PARVB: variants seen among roughly 807,000 people sequenced by gnomAD.
PARVB encodes beta-parvin.
A neutral mutation model predicts 47.0 loss-of-function variants in PARVB; 46 were observed. The observed-to-expected ratio is 0.98, with a 90% CI of 0.77 to 1.25. PARVB has a LOEUF of 1.25. Among genes scored for constraint, PARVB ranks in the 50% most tolerant of loss-of-function variants. The probability of loss-of-function intolerance (pLI) is 0.00; values close to 1 mark genes in which losing one functional copy is unlikely to be tolerated. For missense variants in PARVB, 473 were observed against 471.6 expected, an observed-to-expected ratio of 1.00 and a Z score of -0.03; for synonymous variants, 196 against 196.3, an observed-to-expected ratio of 1.00 and a Z score of 0.01.
intron 1 of PARVB, among the ~76,000 whole-genome samples, chr22:44,027,830 G>A (rs569148582): frequency 2.0e-5 from 3 of 151,434 alleles, no homozygotes; most frequent in African/African-American, 7.3e-5. Flanking sequence ...CCTGGGAGGT[G>A]GAGGTTGCAG....
At chr22:44,141,475 TC>T (rs2053551507) in intron 8 of PARVB, 1 of 152,238 alleles carries the variant, frequency 6.6e-6, no homozygotes, top group African/African-American at 2.4e-5. Flanking sequence ...CTTTTCATGT[TC>T]TTCTGCCTGC....
intron 3 of PARVB, among the ~76,000 whole-genome samples, chr22:44,118,419 T>C (rs1465530212): frequency 2.6e-5 from 4 of 152,160 alleles, no homozygotes; most frequent in Non-Finnish European, 5.9e-5. Context: ...GGAGTGAGAA[T>C]TCTATCTCAA....
In PARVB at chr22:44,103,827, T is replaced by C. The variant is rs2052507576; in HGVS notation, c.273+3704T>C. On this transcript the variant is annotated intron_variant, in intron 3 of 12. Coordinates refer to ENST00000338758, the MANE Select transcript of PARVB (RefSeq NM_013327.5). The surrounding 1 kb of genome is among the most constrained non-coding windows in gnomAD (Gnocchi z 4.6). Reference sequence around the variant, plus strand: ...TGCAGGCGGCCTCTGCCTCTAGAAGTGGAAAAGACAAAGAAATGGATTCTC... The same window carrying C: ...TGCAGGCGGCCTCTGCCTCTAGAAGCGGAAAAGACAAAGAAATGGATTCTC... The C allele has an allele frequency of 6.6e-6, 1 of 151,840 alleles. No homozygotes were observed. Among genetic ancestry groups the C allele is most frequent in the Admixed American group, 6.6e-5 (1 of 15,252 alleles). The allele number at this position is 151,840 out of a possible 1,614,324, so 9.4% of individuals were successfully genotyped here.
At chr22:44,058,814 C>G (rs1396458394) in intron 1 of PARVB, among the ~76,000 whole-genome samples, 7 of 151,854 alleles carry the variant, frequency 4.6e-5, no homozygotes, top group African/African-American at 1.7e-4. Context: ...CTCAGCCTCC[C>G]AAAGTGCTGG....
chr22:44,165,675 T>TG (rs947136634), intron 12 of PARVB, among the ~76,000 whole-genome samples: 7 of 152,106 alleles, frequency 4.6e-5, no homozygotes, highest in African/African-American at 1.4e-4. Flanking sequence ...GGTCGCTGGA[T>TG]GGGGGGCGGA....
chr22:44,069,631 T>C (rs2051609896), intron 1 of PARVB, among the ~76,000 whole-genome samples: 1 of 152,046 alleles, frequency 6.6e-6, no homozygotes, highest in South Asian at 2.1e-4. Context: ...CAGGTTCAAG[T>C]GATCCTCCTG....
At chr22:44,013,853 G>A (rs746442668) in intron 2 of PARVB, among the ~76,000 whole-genome samples, 2 of 151,992 alleles carry the variant, frequency 1.3e-5, no homozygotes, top group African/African-American at 4.8e-5. Context: ...GGCTGCTCTC[G>A]AACTCCTGAC....
At chr22:44,154,258 C>A (rs1165689441) in intron 10 of PARVB, among the ~76,000 whole-genome samples, 3 of 152,168 alleles carry the variant, frequency 2.0e-5, no homozygotes, top group Non-Finnish European at 2.9e-5. Flanking sequence ...TACATTTAAC[C>A]ACTGGTCCCC....
rs1041649246 is a variant in PARVB at position 44,155,465 on chromosome 22, T to C, written c.844-2517T>C. Among the ~76,000 whole-genome samples the C allele has an allele frequency of 2.6e-5, 4 of 152,302 alleles. No individual in the cohort carries two copies. The highest frequency in any genetic ancestry group is 9.6e-5 in the African/African-American group (4 of 41,576). On this transcript the variant is annotated intron_variant, in intron 10 of 12. Coordinates refer to ENST00000338758, the MANE Select transcript of PARVB (RefSeq NM_013327.5). This position sits in a 1 kb window ranked among gnomAD's most constrained non-coding sequence, Gnocchi z 4.8. ...TCTCCTTGTGGCCGTCCCTCCCTCCTTCCTGTGAGCCCGTGTGCTGGGACA... is the reference window on the plus strand; with the variant it reads ...TCTCCTTGTGGCCGTCCCTCCCTCCCTCCTGTGAGCCCGTGTGCTGGGACA...
At chr22:44,156,950 G>T (rs1390048017) in intron 10 of PARVB, among the ~76,000 whole-genome samples, 1 of 152,216 alleles carries the variant, frequency 6.6e-6, no homozygotes, top group Non-Finnish European at 1.5e-5. Flanking sequence ...GGGTGGTGGT[G>T]AGGGTGACCC....
chr22:44,132,910 C>A lies in PARVB; in HGVS notation c.534C>A (p.Asn178Lys). ...CTCCTGCAGCAATTCACGGGAAGAA[C>A]CTGGTGGCCATCCTCCACCTGCTGG... ...RWSVDSIHGK[N>K]LVAILHLLVS... Residue 178 changes from asparagine to lysine, a missense_variant, in exon 6 of 13, where the codon AAC becomes AAA. By Grantham distance (94) the Asn-to-Lys change is moderately conservative. Transcript: ENST00000338758. 3 of 1,613,500 alleles carry A rather than the reference C, an allele frequency of 1.9e-6. No individual in the cohort carries two copies. Among genetic ancestry groups the A allele is most frequent in the Non-Finnish European group, 2.5e-6 (3 of 1,179,438 alleles).
chr22:44,036,117 C>T (rs912761095), intron 1 of PARVB, among the ~76,000 whole-genome samples: 6 of 151,988 alleles, frequency 3.9e-5, no homozygotes, highest in African/African-American at 7.2e-5. Flanking sequence ...ATTAACCAGG[C>T]GTGGTGGTGG....
chr22:44,120,359 C>T (rs1019850734), intron 4 of PARVB, among the ~76,000 whole-genome samples: 1 of 152,216 alleles, frequency 6.6e-6, no homozygotes, highest in African/African-American at 2.4e-5. Context: ...ACCGCCTTCC[C>T]TTTCCCTCTC....
intron 1 of PARVB, among the ~76,000 whole-genome samples, chr22:44,055,674 CT>C (rs2051295036): frequency 1.5e-5 from 2 of 136,978 alleles, no homozygotes; most frequent in South Asian, 4.9e-4. Flanking sequence ...CTCTCTCTCT[CT>C]CTCTATATAT....
chr22:44,075,101 G>A (rs1220593119), intron 1 of PARVB, among the ~76,000 whole-genome samples: 3 of 152,190 alleles, frequency 2.0e-5, no homozygotes, highest in Admixed American at 6.5e-5. Context: ...CTCCCAGTGT[G>A]GGGGTGGAGG....
intron 1 of PARVB, among the ~76,000 whole-genome samples, chr22:44,059,875 T>A (rs1250709023): frequency 1.3e-5 from 2 of 152,294 alleles, no homozygotes; most frequent in East Asian, 1.9e-4. Context: ...TTGCTCAGCA[T>A]CATGGAAGGG....
chr22:44,061,584 G>A (rs79464305), intron 1 of PARVB, among the ~76,000 whole-genome samples: 2,328 of 152,204 alleles, frequency 0.015, 34 homozygotes, highest in African/African-American at 0.041. Context: ...AGAGCGCCCC[G>A]TGTTTGACCT....
intron 2 of PARVB, among the ~76,000 whole-genome samples, chr22:44,017,492 T>G (rs769944349): frequency 6.6e-6 from 1 of 152,210 alleles, no homozygotes; most frequent in Non-Finnish European, 1.5e-5. Flanking sequence ...CAGTTCCTCT[T>G]ACAATTAAGC....
upstream of PARVB, among the ~76,000 whole-genome samples, chr22:44,020,344 T>C (rs116808087): frequency 5.1e-3 from 779 of 152,234 alleles, 10 homozygotes; most frequent in African/African-American, 0.018. Context: ...ACCCAGCTAA[T>C]TTTTTATTTT....
Sources: gnomAD v4.1 joint callset for allele counts (sites outside exome capture counted in the v4.1 genomes callset) on GRCh38, gnomAD v4.1.1 for gene constraint, Gnocchi (gnomAD v3.1) non-coding constraint, MANE v1.5 for transcripts, NCBI Gene and HGNC (gene_info 2026-07-23, HGNC 2026-07-21) for gene names.